SLC2A10: variants seen among roughly 807,000 people sequenced by gnomAD.
SLC2A10 encodes solute carrier family 2, facilitated glucose transporter member 10.
Under a neutral mutation model 32.1 loss-of-function variants are expected in SLC2A10, and 25 were observed. The observed-to-expected ratio is 0.78, with a 90% CI of 0.57 to 1.09. The LOEUF is 1.09. Among genes scored for constraint, SLC2A10 ranks in the 50% least tolerant of loss-of-function variants. The probability of loss-of-function intolerance (pLI) is 0.00; values close to 1 mark genes in which losing one functional copy is unlikely to be tolerated. For synonymous variants in SLC2A10, 332 were observed against 309.6 expected, an observed-to-expected ratio of 1.07 and a Z score of -0.76; for missense variants, 673 against 686.5, an observed-to-expected ratio of 0.98 and a Z score of 0.22.
At position 46,725,641 on chromosome 20, in the gene SLC2A10, A is replaced by C. The variant is rs1450712023; in HGVS notation, c.605A>C (p.Gln202Pro). 6.2e-7 allele frequency: 1 copy of C among 1,613,906 alleles called. No homozygotes were observed. Among genetic ancestry groups the C allele is most frequent in the Non-Finnish European group, 8.5e-7 (1 of 1,179,972 alleles). ...ACACACAAGGACCTCATCCCACTCC[A>C]GGGAGGTGAGGCCCCCAAGCTGGGC... ...TATHKDLIPL[Q>P]GGEAPKLGPG... Residue 202 changes from glutamine (Q) to proline (P), a missense_variant, in exon 2 of 5, where the codon CAG (glutamine) becomes CCG (proline). Coordinates refer to ENST00000359271, the MANE Select transcript of SLC2A10 (RefSeq NM_030777.4).
intron 4 of SLC2A10, 38 bp downstream of exon 4, chr20:46,729,526 T>G: frequency 1.2e-6 from 2 of 1,612,078 alleles, no homozygotes; most frequent in East Asian, 4.5e-5. Flanking sequence ...GGAAGAGCTG[T>G]AGCACACCCC....
chr20:46,709,280 TGTGTGTGC>T (rs1245014606), upstream of SLC2A10, among the ~76,000 whole-genome samples: 18 of 144,688 alleles, frequency 1.2e-4, no homozygotes, highest in African/African-American at 4.7e-4. Context: ...GTGTGTGTTG[TGTGTGTGC>T]GCACGCTGGG....
chr20:46,709,625 A>C (rs961235660), upstream of SLC2A10: 5 of 1,368,100 alleles, frequency 3.7e-6, no homozygotes, highest in African/African-American at 3.0e-5. Context: ...GGAGGGACAG[A>C]GGCGGGGGCG....
At chr20:46,726,459 G>A (rs1045430528) in intron 2 of SLC2A10, 135 bp downstream of exon 2, 35 of 1,341,810 alleles carry the variant, frequency 2.6e-5, no homozygotes, top group Non-Finnish European at 3.1e-5. Flanking sequence ...AAGCCTCAGG[G>A]CCCCTCACTT....
At chr20:46,709,226 A>T (rs557251873), upstream of SLC2A10, among the ~76,000 whole-genome samples, 9 of 152,202 alleles carry the variant, frequency 5.9e-5, no homozygotes, top group East Asian at 1.7e-3. Context: ...GAGCGGCTCC[A>T]GTGGGTATGC....
At chr20:46,708,368 G>A (rs1046358835), upstream of SLC2A10, among the ~76,000 whole-genome samples, 5 of 152,172 alleles carry the variant, frequency 3.3e-5, no homozygotes, top group Non-Finnish European at 7.3e-5. Flanking sequence ...GGGCTTGTAC[G>A]TGCATTTTTG....
rs1300679345 is a variant in SLC2A10, at chr20:46,714,884, T to C, written c.4+5144T>C. On this transcript the variant is annotated intron_variant, in intron 1 of 4. Coordinates refer to ENST00000359271, the MANE Select transcript of SLC2A10 (RefSeq NM_030777.4). ...CACAGTATCATTTCACCATGCTTTA[T>C]CCCTTGGGGTTTTCCTGAGAGCTCT... is the stretch of plus-strand genomic sequence containing the variant. Among the ~76,000 whole-genome samples the C allele has an allele frequency of 2.0e-5, 3 of 152,126 alleles. No individual in the cohort carries two copies. The East Asian group carries it at 5.8e-4, about 29-fold the overall frequency.
intron 1 of SLC2A10, among the ~76,000 whole-genome samples, chr20:46,712,466 C>T (rs778689383): frequency 3.9e-5 from 6 of 152,040 alleles, no homozygotes; most frequent in Admixed American, 2.0e-4. Context: ...CCCTCCACAG[C>T]GAGGGGCTTA....
rs191441789 is a variant in SLC2A10, at chr20:46,721,721, A to G, written c.5-3320A>G. 8.5e-3 allele frequency among the ~76,000 whole-genome samples: 1,300 copies of G among 152,300 alleles called. 8 individuals are homozygous for G. The highest frequency in any genetic ancestry group is 0.014 in the Non-Finnish European group (978 of 68,016). On this transcript the variant is annotated intron_variant, in intron 1 of 4. Transcript: ENST00000359271. ...CATCTGTGTTGGTTTCATTTTCATAAAGGCCTTCTGCACAGCATGACCAAT... is the reference window on the plus strand; with the variant it reads ...CATCTGTGTTGGTTTCATTTTCATAGAGGCCTTCTGCACAGCATGACCAAT...
rs535448224 is a variant in SLC2A10 at position 46,733,049 on chromosome 20, C to T, written c.1548-707C>T. 3.9e-5 allele frequency among the ~76,000 whole-genome samples: 6 copies of T among 152,184 alleles called. No individual in the cohort carries two copies. In the South Asian group the frequency reaches 1.2e-3, roughly 32 times the overall value. ...TGAGAAGATGGGATGTTAGGCTGAGCATGATGATGGTCTCCTTCTGAGCAG... is the reference window on the plus strand; with the variant it reads ...TGAGAAGATGGGATGTTAGGCTGAGTATGATGATGGTCTCCTTCTGAGCAG... On this transcript the variant is annotated intron_variant, in intron 4 of 4. Coordinates refer to ENST00000359271, the MANE Select transcript of SLC2A10 (RefSeq NM_030777.4).
intron 3 of SLC2A10, among the ~76,000 whole-genome samples, chr20:46,727,690 G>T (rs113061577): frequency 6.6e-6 from 1 of 152,114 alleles, no homozygotes; most frequent in Admixed American, 6.6e-5. Context: ...TCTGAGGTGT[G>T]GTGGGATGGG....
intron 3 of SLC2A10, 90 bp from the exon 4 acceptor site, chr20:46,729,263 C>T: frequency 6.5e-7 from 1 of 1,547,500 alleles, no homozygotes; most frequent in Admixed American, 1.7e-5. Flanking sequence ...AACTGACTTT[C>T]CATGCCTGAC....
chr20:46,712,380 G>A (rs559814770), intron 1 of SLC2A10, among the ~76,000 whole-genome samples: 7 of 152,258 alleles, frequency 4.6e-5, no homozygotes, highest in Admixed American at 4.6e-4. Flanking sequence ...AGGACTTGCA[G>A]CTGGAGATAC....
intron 1 of SLC2A10, among the ~76,000 whole-genome samples, chr20:46,711,840 C>G (rs977475328): frequency 5.9e-5 from 9 of 152,150 alleles, no homozygotes; most frequent in African/African-American, 2.2e-4. Context: ...TATCAAATAC[C>G]CTTATCACAG....
At chr20:46,716,030 T>C (rs1469700606) in intron 1 of SLC2A10, among the ~76,000 whole-genome samples, 1 of 152,110 alleles carries the variant, frequency 6.6e-6, no homozygotes, top group Non-Finnish European at 1.5e-5. Context: ...GACAGGATCT[T>C]GCTATGTTGC....
chr20:46,719,163 T>A (rs531572665), intron 1 of SLC2A10, among the ~76,000 whole-genome samples: 1 of 151,630 alleles, frequency 6.6e-6, no homozygotes, highest in East Asian at 1.9e-4. Context: ...TTTTTCTCTC[T>A]GAATGAAAAA....
At position 46,734,372 on chromosome 20, in the gene SLC2A10, G is replaced by C. The variant is rs933972569; in HGVS notation, c.*538G>C. 5.7e-6 allele frequency: 1 copy of C among 174,184 alleles called. No individual in the cohort carries two copies. The highest frequency in any genetic ancestry group is 2.4e-5 in the African/African-American group (1 of 41,394). 10.8% of individuals were successfully genotyped at this position (174,184 alleles called of 1,614,324 possible). On this transcript the variant is annotated 3_prime_UTR_variant, in exon 5 of 5. Transcript: ENST00000359271. ...TGGCTCACTGCAACCTCCACCTCCT[G>C]AGTTCAAGCGATTCTTGTGCCTCAG...
chr20:46,716,153 C>CTT (rs1022913083), intron 1 of SLC2A10, among the ~76,000 whole-genome samples: 8 of 136,664 alleles, frequency 5.9e-5, no homozygotes, highest in Admixed American at 7.4e-5. Flanking sequence ...GGGGTGAGAA[C>CTT]TTTTTTTTTT....
rs1368303925 is a variant in SLC2A10 at position 46,735,732 on chromosome 20, TC to T, written c.*1899del. ...ACTTCAGAACATGCTGGATAAAATG[TC>T]AGTAATGCAAATTAAACTTTAAAGT... On this transcript the variant is annotated 3_prime_UTR_variant, in exon 5 of 5. Coordinates refer to ENST00000359271, the MANE Select transcript of SLC2A10 (RefSeq NM_030777.4). 1.3e-5 allele frequency: 2 copies of T among 152,214 alleles called. No homozygotes were observed. Among genetic ancestry groups the T allele is most frequent in the Non-Finnish European group, 2.9e-5 (2 of 68,038 alleles). The allele number at this position is 152,214 out of a possible 1,614,324, so 9.4% of individuals were successfully genotyped here.
Sources: allele counts gnomAD v4.1 joint callset (sites outside exome capture counted in the v4.1 genomes callset), GRCh38; gene constraint gnomAD v4.1.1; transcripts MANE v1.5; gene names NCBI Gene and HGNC (gene_info 2026-07-23, HGNC 2026-07-21).